Variants in SNX25 observed in about 807,000 individuals in gnomAD.
SNX25 encodes sorting nexin-25.
SNX25 carries 62 observed loss-of-function variants against 113.7 expected under a neutral mutation model. That is an observed-to-expected ratio of 0.55 (90% CI 0.44 to 0.67). The LOEUF is 0.67. Ranked by LOEUF, SNX25 falls within the 30% of genes least tolerant of loss-of-function variation. SNX25 has a pLI of 0.00. For synonymous variants in SNX25, 421 were observed against 436.2 expected, an observed-to-expected ratio of 0.97 and a Z score of 0.43; for missense variants, 1,014 against 1,161.0, an observed-to-expected ratio of 0.87 and a Z score of 1.84.
Position 185,322,160 on chromosome 4 carries a change from C to T in SNX25, c.1476+1296C>T, listed in dbSNP as rs141888705. Among the ~76,000 whole-genome samples, 766 of 152,236 alleles carry T rather than the reference C, an allele frequency of 5.0e-3. 7 individuals carry two copies. The highest frequency in any genetic ancestry group is 0.017 in the African/African-American group (722 of 41,544). On this transcript the variant is annotated intron_variant, in intron 8 of 18. Transcript: ENST00000652585. ...AAAATAAGTACCAAGAGGCTGGATG[C>T]GGTGGCTCACGCCTGTAATCCCAGC...
intron 5 of SNX25, among the ~76,000 whole-genome samples, chr4:185,282,543 C>T (rs760603043): frequency 3.9e-5 from 6 of 152,118 alleles, no homozygotes; most frequent in Non-Finnish European, 7.4e-5. Context: ...ATTGTTGGGA[C>T]GTGTTCAGAA....
intron 5 of SNX25, among the ~76,000 whole-genome samples, chr4:185,269,708 C>A (rs1202873043): frequency 1.3e-5 from 2 of 152,100 alleles, no homozygotes; most frequent in Admixed American, 1.3e-4. Flanking sequence ...ATGGAGGAAA[C>A]AGAAAGGCAT....
At chr4:185,235,815 C>T (rs1017363531) in intron 1 of SNX25, among the ~76,000 whole-genome samples, 2 of 152,228 alleles carry the variant, frequency 1.3e-5, no homozygotes, top group Non-Finnish European at 2.9e-5. Flanking sequence ...GGGAGGATTG[C>T]TTGAGCCCTG....
chr4:185,372,409 C>T (rs2095419012), downstream of SNX25, among the ~76,000 whole-genome samples: 1 of 152,182 alleles, frequency 6.6e-6, no homozygotes, highest in African/African-American at 2.4e-5. Flanking sequence ...AAGTTTAGTG[C>T]TAAGTTGCAT....
chr4:185,345,620 G>A lies in SNX25; in HGVS notation c.2188-917G>A, dbSNP rs544602767. On this transcript the variant is annotated intron_variant, in intron 12 of 18. Transcript: ENST00000652585. ...GACTGGCCTGGACAACATAGACTTC[G>A]CCTCTACAAAAAATTTAAAAATTAG... Among the ~76,000 whole-genome samples, 6 of 151,834 alleles carry A rather than the reference G, an allele frequency of 4.0e-5. No individual in the cohort carries two copies. The South Asian group carries it at 1.2e-3, about 32-fold the overall frequency.
downstream of SNX25, chr4:185,365,827 T>C (rs2095386305): frequency 6.6e-6 from 1 of 152,088 alleles, no homozygotes; most frequent in African/African-American, 2.4e-5. Flanking sequence ...GAGACAGAAA[T>C]ACATGACCAT....
At chr4:185,342,695 T>C (rs1469255716) in intron 12 of SNX25, among the ~76,000 whole-genome samples, 10 of 147,002 alleles carry the variant, frequency 6.8e-5, no homozygotes, top group African/African-American at 2.5e-4. Context: ...GGCGCGGTGC[T>C]TGGAGGATTC....
intron 1 of SNX25, among the ~76,000 whole-genome samples, chr4:185,215,211 A>G (rs1047862024): frequency 1.3e-5 from 2 of 152,112 alleles, no homozygotes; most frequent in African/African-American, 4.8e-5. Context: ...CCTGGGCGAC[A>G]GAGCGAGACT....
chr4:185,344,484 T>G (rs902824020), intron 12 of SNX25, among the ~76,000 whole-genome samples: 1 of 152,094 alleles, frequency 6.6e-6, no homozygotes, highest in Non-Finnish European at 1.5e-5. Context: ...GGTGTGCGCT[T>G]AACAAGCATG....
intron 5 of SNX25, among the ~76,000 whole-genome samples, chr4:185,274,593 C>G (rs987647300): frequency 1.3e-5 from 2 of 152,168 alleles, no homozygotes; most frequent in African/African-American, 4.8e-5. Flanking sequence ...CAGAATAGCT[C>G]TACTTCCCAC....
chr4:185,205,237 C>A (rs3108243), upstream of SNX25, among the ~76,000 whole-genome samples: 89,961 of 152,036 alleles, frequency 0.59, 27,018 homozygotes, highest in Non-Finnish European at 0.66. Flanking sequence ...GGGTGGGGCC[C>A]CCTGAGAGGA....
chr4:185,371,061 CA>C, downstream of SNX25: 1 of 389,142 alleles, frequency 2.6e-6, no homozygotes, highest in East Asian at 3.9e-5. Flanking sequence ...CACTGGAAAA[CA>C]AAGGTATGTT....
At chr4:185,235,643 A>G (rs1302214988) in intron 1 of SNX25, among the ~76,000 whole-genome samples, 5 of 152,220 alleles carry the variant, frequency 3.3e-5, no homozygotes. Context: ...TATCATCCCA[A>G]CATTTTGTGA....
Position 185,319,105 on chromosome 4 carries a change from T to A in SNX25, c.1345-1628T>A, listed in dbSNP as rs552693714. ...TATTTTATTTTATTTTTTTTATTTT[T>A]TTTTTTTTAAAGGACATATCATATT... On this transcript the variant is annotated intron_variant, in intron 7 of 18. Coordinates refer to ENST00000652585, the MANE Select transcript of SNX25 (RefSeq NM_001378034.2). Among the ~76,000 whole-genome samples the A allele has an allele frequency of 7.6e-3, 1,140 of 149,876 alleles. 11 individuals carry two copies. The highest frequency in any genetic ancestry group is 0.025 in the African/African-American group (1,021 of 40,880).
chr4:185,365,670 A>G (rs2095384778), downstream of SNX25: 1 of 137,264 alleles, frequency 7.3e-6, no homozygotes, highest in Admixed American at 7.3e-5. Flanking sequence ...AGGTCAGGAG[A>G]CTCCGTCTCA....
intron 3 of SNX25, among the ~76,000 whole-genome samples, chr4:185,261,108 CTG>C (rs1414086785): frequency 1.5e-4 from 19 of 130,768 alleles, no homozygotes; most frequent in Admixed American, 2.3e-4. Context: ...GTCTGTCTGT[CTG>C]TCTCTGTGTG....
At chr4:185,245,909 A>G (rs1017879755) in intron 1 of SNX25, among the ~76,000 whole-genome samples, 3 of 152,076 alleles carry the variant, frequency 2.0e-5, no homozygotes, top group African/African-American at 7.2e-5. Context: ...TTGCCCCTAT[A>G]ATTAATATAG....
At chr4:185,315,219 C>G (rs1561002876) in intron 7 of SNX25, among the ~76,000 whole-genome samples, 1 of 141,564 alleles carries the variant, frequency 7.1e-6, no homozygotes, top group African/African-American at 2.5e-5. Flanking sequence ...CAGAGCAAGA[C>G]TCCATCTCAA....
chr4:185,214,058 CT>C, intron 1 of SNX25, among the ~76,000 whole-genome samples: 1 of 151,844 alleles, frequency 6.6e-6, no homozygotes, highest in South Asian at 2.1e-4. Context: ...TTCTCTCTCT[CT>C]TCTTTTTCCC....
Sources: gnomAD v4.1 joint callset for allele counts (sites outside exome capture counted in the v4.1 genomes callset) on GRCh38, gnomAD v4.1.1 for gene constraint, MANE v1.5 for transcripts, NCBI Gene and HGNC (gene_info 2026-07-23, HGNC 2026-07-21) for gene names.